The following NCOR2 variants were observed in gnomAD, a reference collection of about 807,000 sequenced individuals.
The protein encoded by NCOR2 is nuclear receptor corepressor 2, also known as CTG repeat protein 26.
NCOR2 carries 81 observed loss-of-function variants against 262.9 expected under a neutral mutation model. The observed-to-expected ratio is 0.31, with a 90% CI of 0.26 to 0.37. The LOEUF (loss-of-function observed/expected upper bound fraction) is 0.37. Ranked by LOEUF, NCOR2 falls within the 10% of genes least tolerant of loss-of-function variation. The pLI is 1.00. For missense variants in NCOR2, 3,385 were observed against 3,621.4 expected (o/e 0.93, Z 1.68); for synonymous variants, 1,659 against 1,559.3 (o/e 1.06, Z -1.51).
chr12:124,494,306 C>T (rs2048260763), intron 1 of NCOR2, among the ~76,000 whole-genome samples: 1 of 152,186 alleles, frequency 6.6e-6, no homozygotes, highest in South Asian at 2.1e-4. Flanking sequence ...CCTCACATCC[C>T]CTCACTCAGC....
intron 44 of NCOR2, chr12:124,328,441 G>A (rs1302417503): frequency 1.3e-5 from 2 of 152,604 alleles, no homozygotes; most frequent in African/African-American, 4.8e-5. Flanking sequence ...CAAAGTGGTC[G>A]AATCAACAAA....
In NCOR2 at chr12:124,355,402, G is replaced by A. The variant is rs903156638; in HGVS notation, c.3381+30C>T. 4 of 1,610,682 alleles carry A rather than the reference G, an allele frequency of 2.5e-6. No homozygotes were observed. The African/African-American group carries it at 4.0e-5, about 16-fold the overall frequency. On this transcript the variant is annotated intron_variant, in intron 24 of 46. Transcript: ENST00000405201. ...CCCACTTTACAGATAAGAAGACTAA[G>A]CCCCCAAGAAAGGAAGGGCTACCAC...
At chr12:124,486,492 G>T in exon 2 of NCOR2, 1 of 1,611,348 alleles carries the variant, frequency 6.2e-7, no homozygotes. Flanking sequence ...CCGCCGCTGG[G>T]GCTGGATGAT....
chr12:124,502,018 T>C (rs2048767168), intron 1 of NCOR2, among the ~76,000 whole-genome samples: 1 of 152,202 alleles, frequency 6.6e-6, no homozygotes, highest in Non-Finnish European at 1.5e-5. Context: ...ACACCTTGGG[T>C]GTTTACTTTC....
chr12:124,402,423 C>CGTT, exon 14 of NCOR2: 4 of 1,614,164 alleles, frequency 2.5e-6, no homozygotes, highest in Non-Finnish European at 3.4e-6. Context: ...TCTTCCTTGT[C>CGTT]GTTCTCCACC....
At chr12:124,500,823 T>C (rs1593848877) in intron 1 of NCOR2, among the ~76,000 whole-genome samples, 1 of 150,322 alleles carries the variant, frequency 6.7e-6, no homozygotes, top group Non-Finnish European at 1.5e-5. Context: ...AGCCTCAGGG[T>C]GAGGGGCAGG....
chr12:124,344,973 C>A, intron 31 of NCOR2, 22 bp from the exon 34 acceptor site: 1 of 1,507,954 alleles, frequency 6.6e-7, no homozygotes, highest in Non-Finnish European at 8.9e-7. Flanking sequence ...GGGATGTAAG[C>A]TCTAGCCCTG....
intron 8 of NCOR2, among the ~76,000 whole-genome samples, chr12:124,431,543 T>TACATACAGGCACACAC (rs1391293906): frequency 6.8e-6 from 1 of 146,694 alleles, no homozygotes; most frequent in Non-Finnish European, 1.5e-5. Context: ...CAGGCACACA[T>TACATACAGGCACACAC]ACATACAGGC....
intron 1 of NCOR2, among the ~76,000 whole-genome samples, chr12:124,544,406 C>T (rs933528655): frequency 1.3e-4 from 20 of 152,250 alleles, no homozygotes; most frequent in Non-Finnish European, 2.1e-4. Context: ...CCGGGCTGCC[C>T]GCCCAGGAGC....
At position 124,340,289 on chromosome 12, in the gene NCOR2, C is replaced by T. The variant is rs751433477; in HGVS notation, c.5488+5G>A. 6.2e-7 allele frequency: 1 copy of T among 1,610,416 alleles called. No individual in the cohort carries two copies. The highest frequency in any genetic ancestry group is 8.5e-7 in the Non-Finnish European group (1 of 1,179,554). Reference sequence around the variant, plus strand: ...GAGCGGGGGGTGGGGGCTCTGATGCCCTACCAGGTCTCCAGATGGGTGCGT... The same window carrying T: ...GAGCGGGGGGTGGGGGCTCTGATGCTCTACCAGGTCTCCAGATGGGTGCGT... On this transcript the variant is annotated splice_donor_5th_base_variant and intron_variant, in intron 36 of 46. Transcript: ENST00000405201.
intron 17 of NCOR2, among the ~76,000 whole-genome samples, chr12:124,380,633 C>T (rs2040341713): frequency 6.6e-6 from 1 of 152,146 alleles, no homozygotes; most frequent in African/African-American, 2.4e-5. Flanking sequence ...TTTTGGCAGA[C>T]AGAGGCTCAG....
At chr12:124,433,923 C>A (rs2044178675) in intron 8 of NCOR2, among the ~76,000 whole-genome samples, 2 of 148,366 alleles carry the variant, frequency 1.3e-5, no homozygotes, top group South Asian at 4.3e-4. Flanking sequence ...CAGGGAAAGA[C>A]TGGAGCCGTC....
intron 12 of NCOR2, among the ~76,000 whole-genome samples, chr12:124,421,848 A>G (rs2043220696): frequency 6.6e-6 from 1 of 152,186 alleles, no homozygotes; most frequent in Non-Finnish European, 1.5e-5. Flanking sequence ...TGTGGGTGCA[A>G]AACAACGGCT....
intron 13 of NCOR2, among the ~76,000 whole-genome samples, chr12:124,405,537 C>T (rs1339659475): frequency 6.6e-6 from 1 of 152,202 alleles, no homozygotes; most frequent in African/African-American, 2.4e-5. Context: ...TGAGTGAGTC[C>T]GGTGGGGGAA....
Position 124,392,009 on chromosome 12 carries a change from C to T in NCOR2, c.1876+6110G>A, listed in dbSNP as rs2041340338. Among the ~76,000 whole-genome samples, 7 of 152,376 alleles carry T rather than the reference C, an allele frequency of 4.6e-5. No individual in the cohort carries two copies. The South Asian group carries it at 1.2e-3, about 27-fold the overall frequency. On this transcript the variant is annotated intron_variant, in intron 16 of 46. Coordinates refer to ENST00000405201, the Ensembl canonical transcript of NCOR2. ...TGGCTCTCCCTCTGGCCTTGGTCTT[C>T]TCCTGTGCAAAGCAGAAGTCGTGTG...
At chr12:124,342,388 G>T (rs2036528443) in intron 33 of NCOR2, among the ~76,000 whole-genome samples, 1 of 151,994 alleles carries the variant, frequency 6.6e-6, no homozygotes, top group African/African-American at 2.4e-5. Flanking sequence ...TTTATTTTTA[G>T]AGAAGGAGTC....
At chr12:124,518,775 C>T (rs1370109153) in intron 1 of NCOR2, among the ~76,000 whole-genome samples, 1 of 152,228 alleles carries the variant, frequency 6.6e-6, no homozygotes, top group African/African-American at 2.4e-5. Flanking sequence ...CGAAAGAGAG[C>T]TCCAGCCCCG....
chr12:124,393,675 G>C (rs1328030610), intron 16 of NCOR2, among the ~76,000 whole-genome samples: 1 of 152,250 alleles, frequency 6.6e-6, no homozygotes, highest in Non-Finnish European at 1.5e-5. Context: ...TCTGCAAGTA[G>C]AGTGCCTGGG....
At chr12:124,466,537 G>A (rs951750348) in intron 4 of NCOR2, among the ~76,000 whole-genome samples, 1 of 152,138 alleles carries the variant, frequency 6.6e-6, no homozygotes, top group African/African-American at 2.4e-5. Context: ...GCCAGCCAGG[G>A]AAGCACAGCC....
Sources: allele counts gnomAD v4.1 joint callset (sites outside exome capture counted in the v4.1 genomes callset), GRCh38; gene constraint gnomAD v4.1.1; transcripts MANE v1.5; gene names NCBI Gene and HGNC (gene_info 2026-07-23, HGNC 2026-07-21).